Variants in SHQ1 observed in about 807,000 individuals in gnomAD.
SHQ1 encodes SHQ1, H/ACA ribonucleoprotein assembly factor, also known as protein SHQ1 homolog.
A neutral mutation model predicts 53.8 loss-of-function variants in SHQ1; 49 were observed. The observed-to-expected ratio is 0.91, with a 90% confidence interval of 0.72 to 1.16. The LOEUF (loss-of-function observed/expected upper bound fraction) is 1.16. Among genes scored for constraint, SHQ1 ranks in the 50% most tolerant of loss-of-function variants. The pLI, the probability that SHQ1 is intolerant of heterozygous loss-of-function variation, is 0.00. For missense variants in SHQ1, 738 were observed against 683.1 expected (o/e 1.08, Z -0.90); for synonymous variants, 243 against 251.0 (o/e 0.97, Z 0.30).
chr3:72,795,725 T>G (rs1014559129), intron 9 of SHQ1: 1 of 152,198 alleles, frequency 6.6e-6, no homozygotes, highest in African/African-American at 2.4e-5. Flanking sequence ...TCTTGTAACT[T>G]GAATAAGCTT....
chr3:72,846,076 A>G (rs1708320433), intron 1 of SHQ1: 4 of 768,046 alleles, frequency 5.2e-6, no homozygotes, highest in Non-Finnish European at 8.5e-6. Context: ...TGAGCATGAA[A>G]TGATAATGCA....
intron 10 of SHQ1, among the ~76,000 whole-genome samples, chr3:72,781,382 G>C (rs1386153215): frequency 1.3e-5 from 2 of 151,912 alleles, no homozygotes; most frequent in Non-Finnish European, 2.9e-5. Context: ...AGAAGGGCTC[G>C]CATTTCAGAA....
At chr3:72,821,313 T>A (rs574723348) in intron 6 of SHQ1, among the ~76,000 whole-genome samples, 35 of 152,306 alleles carry the variant, frequency 2.3e-4, no homozygotes, top group African/African-American at 8.4e-4. Flanking sequence ...GTGCCAAGAC[T>A]CTGGAGCTTC....
At chr3:72,775,182 A>C (rs986686624) in intron 10 of SHQ1, among the ~76,000 whole-genome samples, 1 of 151,964 alleles carries the variant, frequency 6.6e-6, no homozygotes, top group Non-Finnish European at 1.5e-5. Flanking sequence ...TCTTACAAAA[A>C]TAATTTAAAA....
chr3:72,829,849 AT>A (rs1707772972), intron 5 of SHQ1, among the ~76,000 whole-genome samples: 2 of 152,328 alleles, frequency 1.3e-5, no homozygotes, highest in East Asian at 3.8e-4. Flanking sequence ...GAACTGGTTA[AT>A]GTAAAATGTA....
intron 10 of SHQ1, among the ~76,000 whole-genome samples, chr3:72,779,530 A>C (rs2106754629): frequency 6.6e-6 from 1 of 152,348 alleles, no homozygotes; most frequent in Non-Finnish European, 1.5e-5. Flanking sequence ...TCTCCTCATC[A>C]GACCACAAAT....
intron 4 of SHQ1, among the ~76,000 whole-genome samples, chr3:72,840,242 TAAAAAAAA>T (rs71623990): frequency 1.1e-5 from 1 of 93,592 alleles, no homozygotes; most frequent in Non-Finnish European, 2.0e-5. Flanking sequence ...GACTCTGTCT[TAAAAAAAA>T]AAAAAAAAAA....
chr3:72,763,063 A>ACACACT lies in SHQ1; in HGVS notation c.1182-12228_1182-12227insAGTGTG, dbSNP rs1491509394. 5.2e-3 allele frequency among the ~76,000 whole-genome samples: 461 copies of ACACACT among 88,052 alleles called. 4 individuals carry two copies. The highest frequency in any genetic ancestry group is 0.018 in the African/African-American group (442 of 24,736). 57.8% of individuals were successfully genotyped at this position (88,052 alleles called of 152,430 possible). A position where few individuals can be genotyped will look rare whatever the true frequency, so the allele number is the denominator to read the frequency against. ...CACACACACACACACACACACACAC[A>ACACACT]GAGAGAGAGAGAGAGAGAGAGAGAA... is the stretch of plus-strand genomic sequence containing the variant. On this transcript the variant is annotated intron_variant, in intron 10 of 10. Transcript: ENST00000325599.
chr3:72,786,482 T>C (rs935400221), intron 10 of SHQ1, among the ~76,000 whole-genome samples: 2 of 152,212 alleles, frequency 1.3e-5, no homozygotes, highest in Non-Finnish European at 2.9e-5. Flanking sequence ...GTTTTCAGGC[T>C]GTTCAAATGG....
intron 10 of SHQ1, among the ~76,000 whole-genome samples, chr3:72,769,760 T>C (rs1705805550): frequency 6.6e-6 from 1 of 152,188 alleles, no homozygotes; most frequent in South Asian, 2.1e-4. Flanking sequence ...GTCTAAATGC[T>C]CCATAACAGA....
At chr3:72,811,283 C>T (rs908486443) in intron 9 of SHQ1, among the ~76,000 whole-genome samples, 2 of 152,274 alleles carry the variant, frequency 1.3e-5, no homozygotes, top group African/African-American at 4.8e-5. Context: ...ACTGCATTCT[C>T]ACTGGTTTAA....
intron 10 of SHQ1, among the ~76,000 whole-genome samples, chr3:72,789,117 A>G (rs1706353919): frequency 6.6e-6 from 1 of 152,128 alleles, no homozygotes; most frequent in African/African-American, 2.4e-5. Context: ...AACTTGTTAC[A>G]TATTTAAAAA....
At chr3:72,780,682 GA>G (rs749467205) in intron 10 of SHQ1, among the ~76,000 whole-genome samples, 1 of 152,154 alleles carries the variant, frequency 6.6e-6, no homozygotes, top group East Asian at 1.9e-4. Context: ...CATACACACC[GA>G]AAGTGGCAAG....
chr3:72,803,133 G>A (rs1575705927), intron 9 of SHQ1, among the ~76,000 whole-genome samples: 1 of 152,130 alleles, frequency 6.6e-6, no homozygotes, highest in African/African-American at 2.4e-5. Flanking sequence ...CTGAAAACTG[G>A]GGGCCTCCCA....
intron 1 of SHQ1, among the ~76,000 whole-genome samples, chr3:72,847,568 A>G (rs1708382815): frequency 6.6e-6 from 1 of 151,826 alleles, no homozygotes; most frequent in South Asian, 2.1e-4. Context: ...AAGGAGAATA[A>G]TTTAAACAGA....
chr3:72,734,287 C>T, the SHQ1 span, among the ~76,000 whole-genome samples: 3,037 of 151,148 alleles, frequency 0.02, 193 homozygotes, highest in African/African-American at 0.069. Context: ...GATGGAGTCT[C>T]GCTCTGTTGC....
Position 72,749,438 on chromosome 3 carries a change from G to A in SHQ1, c.*846C>T, listed in dbSNP as rs1321529793. On this transcript the variant is annotated 3_prime_UTR_variant, in exon 11 of 11. Coordinates refer to ENST00000325599, the MANE Select transcript of SHQ1 (RefSeq NM_018130.3). ...TCGTGACACATGCTACCACATGGAT[G>A]AATCTCAAAATAACTATACTGAGTA... 5.5e-5 allele frequency: 12 copies of A among 219,988 alleles called. No homozygotes were observed. The East Asian group carries it at 7.9e-4, about 15-fold the overall frequency. The allele number at this position is 219,988 out of a possible 1,614,324, so 13.6% of individuals were successfully genotyped here.
intron 9 of SHQ1, among the ~76,000 whole-genome samples, chr3:72,811,093 T>C (rs901075128): frequency 1.3e-5 from 2 of 152,220 alleles, no homozygotes; most frequent in Non-Finnish European, 2.9e-5. Context: ...GCAATCATAG[T>C]ACTGATTACT....
At chr3:72,737,256 C>T in the SHQ1 span, among the ~76,000 whole-genome samples, 20 of 151,586 alleles carry the variant, frequency 1.3e-4, no homozygotes, top group South Asian at 4.2e-4. Flanking sequence ...CCAGCCTGGG[C>T]GACAAAGCAA....
Sources: allele counts gnomAD v4.1 joint callset (sites outside exome capture counted in the v4.1 genomes callset), GRCh38; gene constraint gnomAD v4.1.1; transcripts MANE v1.5; gene names NCBI Gene and HGNC (gene_info 2026-07-23, HGNC 2026-07-21).